The following TMC1 variants were observed in gnomAD, a reference collection of about 807,000 sequenced individuals.
TMC1 encodes the protein transmembrane channel like 1, also known as transmembrane channel-like protein 1.
Under a neutral mutation model 105.8 loss-of-function variants are expected in TMC1, and 84 were observed. The ratio of observed to expected loss-of-function variants is 0.79; its 90% CI spans 0.67 to 0.95. TMC1 has a LOEUF of 0.95. Ranked by LOEUF, TMC1 falls within the 40% of genes least tolerant of loss-of-function variation. TMC1 has a pLI of 0.00. For missense variants in TMC1, 817 were observed against 914.1 expected (o/e 0.89, Z 1.37); for synonymous variants, 315 against 311.5 (o/e 1.01, Z -0.12).
chr9:72,792,460 T>TAA, intron 17 of TMC1, 108 bp downstream of exon 17: 4 of 1,313,530 alleles, frequency 3.0e-6, no homozygotes, highest in Non-Finnish European at 2.2e-6. Flanking sequence ...TAAAAATAGC[T>TAA]AAGATTTGTT....
chr9:72,824,387 C>T (rs1466100192), intron 20 of TMC1, among the ~76,000 whole-genome samples: 2 of 152,244 alleles, frequency 1.3e-5, no homozygotes, highest in Non-Finnish European at 2.9e-5. Context: ...TGGGTTCCCA[C>T]AATCGGTGGG....
intron 1 of TMC1, among the ~76,000 whole-genome samples, chr9:72,547,698 T>A (rs1227297724): frequency 6.6e-6 from 1 of 152,188 alleles, no homozygotes; most frequent in African/African-American, 2.4e-5. Flanking sequence ...CTGGGAAGAC[T>A]AAGTGCTCAG....
At chr9:72,590,540 C>T (rs949030193) in intron 2 of TMC1, among the ~76,000 whole-genome samples, 1 of 152,186 alleles carries the variant, frequency 6.6e-6, no homozygotes, top group Non-Finnish European at 1.5e-5. Context: ...AAAATTCTTT[C>T]GACTCGGTTT....
rs1489025696 is a variant in TMC1, at chr9:72,548,153, T to C, written c.-428+26240T>C. ...CAAACATTCAATCCATAGCACTGAG[T>C]CTGTATGTGTTGGGAACTGATTGAT... On this transcript the variant is annotated intron_variant, in intron 1 of 23. Coordinates refer to ENST00000297784, the MANE Select transcript of TMC1 (RefSeq NM_138691.3). Among the ~76,000 whole-genome samples the C allele has an allele frequency of 2.6e-5, 4 of 152,274 alleles. No individual in the cohort carries two copies. The East Asian group carries it at 7.7e-4, about 29-fold the overall frequency.
chr9:72,599,788 C>T (rs993285040), intron 2 of TMC1, among the ~76,000 whole-genome samples: 2 of 146,726 alleles, frequency 1.4e-5, no homozygotes, highest in African/African-American at 2.5e-5. Flanking sequence ...CCAGCCTGGG[C>T]GACAAGAGCC....
chr9:72,742,272 G>C (rs1453597057), intron 9 of TMC1, among the ~76,000 whole-genome samples, 172 bp from the exon 10 acceptor site: 1 of 152,138 alleles, frequency 6.6e-6, no homozygotes, highest in African/African-American at 2.4e-5. Context: ...GGGGTTAGTG[G>C]AGAACAGGGA....
intron 2 of TMC1, among the ~76,000 whole-genome samples, chr9:72,606,260 CCAGATT>C (rs1824910781): frequency 6.6e-6 from 1 of 152,146 alleles, no homozygotes; most frequent in African/African-American, 2.4e-5. Flanking sequence ...CACAGGTTGT[CCAGATT>C]ACCTAATGAC....
Position 72,836,085 on chromosome 9 carries a change from C to G in TMC1, c.*112C>G. 1 of 1,256,946 alleles carries G rather than the reference C, an allele frequency of 8.0e-7. No homozygotes were observed. The highest frequency in any genetic ancestry group is 1.7e-5 in the Admixed American group (1 of 59,434). The allele number at this position is 1,256,946 out of a possible 1,614,324, so 77.9% of individuals were successfully genotyped here. A position where few individuals can be genotyped will look rare whatever the true frequency, so the allele number is the denominator to read the frequency against. On this transcript the variant is annotated 3_prime_UTR_variant, in exon 24 of 24. Coordinates refer to ENST00000297784, the MANE Select transcript of TMC1 (RefSeq NM_138691.3). ...GTGGAACTGCTATTTTCCTGTTCTA[C>G]CCTTGATGGATTTTCAAGGTCATGC...
intron 20 of TMC1, among the ~76,000 whole-genome samples, chr9:72,824,503 G>T (rs1588102957): frequency 6.6e-6 from 1 of 152,304 alleles, no homozygotes; most frequent in East Asian, 1.9e-4. Context: ...TCTCAGCAGA[G>T]AGGGCAGTTG....
At chr9:72,596,539 T>TAAAAA (rs35140344) in intron 2 of TMC1, among the ~76,000 whole-genome samples, 6 of 102,240 alleles carry the variant, frequency 5.9e-5, no homozygotes, top group East Asian at 3.3e-4. Flanking sequence ...GTTTCAATTG[T>TAAAAA]AAAAAAAAAA....
At chr9:72,627,421 C>A (rs1365330191) in intron 3 of TMC1, among the ~76,000 whole-genome samples, 1 of 152,130 alleles carries the variant, frequency 6.6e-6, no homozygotes, top group Non-Finnish European at 1.5e-5. Context: ...AAAGAAATTT[C>A]TCTAGTTCCA....
intron 4 of TMC1, chr9:72,628,356 A>G (rs1400338211): frequency 4.8e-6 from 1 of 207,444 alleles, no homozygotes; most frequent in African/African-American, 2.3e-5. Flanking sequence ...TATAGTTTTT[A>G]TGACTTTTCC....
chr9:72,671,586 A>T (rs1826127669), intron 5 of TMC1, among the ~76,000 whole-genome samples: 1 of 152,224 alleles, frequency 6.6e-6, no homozygotes. Context: ...AGAGGAAAGC[A>T]AAAACAAAGA....
intron 1 of TMC1, among the ~76,000 whole-genome samples, chr9:72,573,043 A>G (rs7851121): frequency 0.021 from 3,137 of 152,192 alleles, 111 homozygotes; most frequent in African/African-American, 0.071. Context: ...ATGAAATGCT[A>G]TCTCATTATT....
intron 9 of TMC1, 62 bp from the exon 10 acceptor site, chr9:72,742,382 G>A (rs1276450746): frequency 7.7e-7 from 1 of 1,291,974 alleles, no homozygotes; most frequent in African/African-American, 1.5e-5. Context: ...TTGAGGTGGG[G>A]GATAAACATC....
intron 4 of TMC1, among the ~76,000 whole-genome samples, chr9:72,637,393 TC>T (rs1174726004): frequency 6.6e-6 from 1 of 152,048 alleles, no homozygotes; most frequent in African/African-American, 2.4e-5. Context: ...CCCATGGCTC[TC>T]CCCTGTTTCC....
intron 1 of TMC1, among the ~76,000 whole-genome samples, chr9:72,561,700 G>C (rs189948704): frequency 8.5e-4 from 129 of 152,330 alleles, no homozygotes; most frequent in African/African-American, 2.6e-3. Context: ...CCAAAGGTCA[G>C]CAGAGGTAGT....
chr9:72,530,873 T>C lies in TMC1; in HGVS notation c.-428+8960T>C, dbSNP rs568095381. 2.7e-5 allele frequency among the ~76,000 whole-genome samples: 4 copies of C among 149,202 alleles called. 1 individual carries two copies. The East Asian group carries it at 8.0e-4, about 30-fold the overall frequency. On this transcript the variant is annotated intron_variant, in intron 1 of 23. Transcript: ENST00000297784. ...TCTTACTCTGTCACCCAGGCTGGAG[T>C]GCACTGGTGTGATCTTGACTCACTG...
intron 1 of TMC1, among the ~76,000 whole-genome samples, chr9:72,549,359 A>T (rs1329887051): frequency 1.3e-5 from 2 of 152,072 alleles, no homozygotes; most frequent in African/African-American, 4.8e-5. Flanking sequence ...TGGCCTCCCA[A>T]AGTGCTGGGA....
Sources: gnomAD v4.1 joint callset for allele counts (sites outside exome capture counted in the v4.1 genomes callset) on GRCh38, gnomAD v4.1.1 for gene constraint, MANE v1.5 for transcripts, NCBI Gene and HGNC (gene_info 2026-07-23, HGNC 2026-07-21) for gene names.